Variants in ACLY observed in about 807,000 individuals in gnomAD.
ACLY encodes ATP citrate lyase.
A neutral mutation model predicts 133.0 loss-of-function variants in ACLY; 41 were observed. That is an observed-to-expected ratio of 0.31 (90% confidence interval 0.24 to 0.40). ACLY has a LOEUF of 0.40. Among genes scored for constraint, ACLY ranks in the 10% least tolerant of loss-of-function variants. The probability of loss-of-function intolerance (pLI) is 1.00; values close to 1 mark genes in which losing one functional copy is unlikely to be tolerated. For missense variants in ACLY, 1,046 were observed against 1,453.8 expected, an observed-to-expected ratio of 0.72 and a Z score of 4.56; for synonymous variants, 495 against 549.3, an observed-to-expected ratio of 0.90 and a Z score of 1.38.
At chr17:41,911,902 G>C (rs2049913639) in intron 3 of ACLY, among the ~76,000 whole-genome samples, 1 of 152,144 alleles carries the variant, frequency 6.6e-6, no homozygotes, top group Non-Finnish European at 1.5e-5. Context: ...ATTACCTGAG[G>C]TCAGGAGTTC....
Position 41,867,760 on chromosome 17 carries a change from G to T in ACLY, c.*50C>A. The stretch of plus-strand genomic sequence containing the variant: ...GCCAGCTGTCTGTACACTTTTTCTT[G>T]GGGGAAGAGATCTTGTCTTCAGTTT... On this transcript the variant is annotated 3_prime_UTR_variant, in exon 29 of 29. Coordinates refer to ENST00000352035, the MANE Select transcript of ACLY (RefSeq NM_001096.3). The T allele has an allele frequency of 2.1e-6, 3 of 1,460,414 alleles. No homozygotes were observed. Among genetic ancestry groups the T allele is most frequent in the South Asian group, 2.4e-5 (2 of 82,588 alleles). 90.5% of individuals were successfully genotyped at this position (1,460,414 alleles called of 1,614,324 possible). A position where few individuals can be genotyped will look rare whatever the true frequency, so the allele number is the denominator to read the frequency against.
At chr17:41,881,472 G>A (rs542388155) in intron 20 of ACLY, among the ~76,000 whole-genome samples, 5 of 149,872 alleles carry the variant, frequency 3.3e-5, no homozygotes, top group South Asian at 4.3e-4. Flanking sequence ...TGGAATAAGC[G>A]GACTGACAAG....
In ACLY at chr17:41,887,777, G is replaced by T; in HGVS notation, c.1771-74C>A. The stretch of plus-strand genomic sequence containing the variant: ...GGCAACAAGACAGCACCGTTTAAGG[G>T]CCCACCTCCCATTCCACATGTCCTC... On this transcript the variant is annotated intron_variant, in intron 16 of 28. Transcript: ENST00000352035. 3 of 1,202,042 alleles carry T rather than the reference G, an allele frequency of 2.5e-6. No individual in the cohort carries two copies. In the South Asian group the frequency reaches 3.7e-5, roughly 15 times the overall value. The allele number at this position is 1,202,042 out of a possible 1,614,324, so 74.5% of individuals were successfully genotyped here.
At chr17:41,896,426 C>T (rs1555630378) in intron 14 of ACLY, among the ~76,000 whole-genome samples, 194 bp downstream of exon 14, 1 of 152,074 alleles carries the variant, frequency 6.6e-6, no homozygotes, top group Admixed American at 6.6e-5. Context: ...GAGTGGGGCG[C>T]GTACTGAGCA....
At chr17:41,869,191 T>C (rs1401556286) in intron 26 of ACLY, 66 bp from the exon 27 acceptor site, 40 of 1,403,894 alleles carry the variant, frequency 2.8e-5, no homozygotes, top group Non-Finnish European at 3.8e-5. Context: ...AATTTTCCAC[T>C]GTCACTACTA....
chr17:41,905,389 T>C, intron 9 of ACLY, 133 bp downstream of exon 9: 1 of 1,235,666 alleles, frequency 8.1e-7, no homozygotes, highest in South Asian at 1.4e-5. Context: ...AGAGCCAAAG[T>C]TCAATGATTA....
chr17:41,868,033 A>C, intron 28 of ACLY, 129 bp from the exon 29 acceptor site: 2 of 577,464 alleles, frequency 3.5e-6, no homozygotes, highest in Non-Finnish European at 6.1e-6. Flanking sequence ...TTTAGTCCAA[A>C]TCCACTGTAT....
chr17:41,883,816 C>T lies in ACLY; in HGVS notation c.2154+377G>A, dbSNP rs2048983137. Among the ~76,000 whole-genome samples the T allele has an allele frequency of 3.9e-5, 6 of 151,976 alleles. No individual in the cohort carries two copies. The South Asian group carries it at 8.3e-4, about 21-fold the overall frequency. On this transcript the variant is annotated intron_variant, in intron 19 of 28. Coordinates refer to ENST00000352035, the MANE Select transcript of ACLY (RefSeq NM_001096.3). The stretch of plus-strand genomic sequence containing the variant: ...GCCACGATGGTCTAGAACTCCTGAT[C>T]TCAAGTGACCCAGTTGCCTCAGCCT...
At chr17:41,921,719 G>A (rs782776804), upstream of ACLY, among the ~76,000 whole-genome samples, 2 of 151,162 alleles carry the variant, frequency 1.3e-5, no homozygotes, top group African/African-American at 4.9e-5. Context: ...CCTATAATCC[G>A]AGCACTTTGG....
upstream of ACLY, among the ~76,000 whole-genome samples, chr17:41,921,378 G>A (rs2050179821): frequency 6.6e-6 from 1 of 151,538 alleles, no homozygotes; most frequent in Admixed American, 6.6e-5. Flanking sequence ...CAGCTACTTG[G>A]GAGACCGAGG....
intron 10 of ACLY, 35 bp downstream of exon 10, chr17:41,904,694 T>C: frequency 6.2e-7 from 1 of 1,606,090 alleles, no homozygotes; most frequent in Non-Finnish European, 8.5e-7. Context: ...CCAAACCACT[T>C]TCCCCAGAAA....
chr17:41,887,219 AC>A (rs1278169486), intron 17 of ACLY, among the ~76,000 whole-genome samples: 1 of 150,474 alleles, frequency 6.6e-6, no homozygotes, highest in Non-Finnish European at 1.5e-5. Context: ...TGGGTGGATC[AC>A]CCGATGTCAG....
At position 41,918,935 on chromosome 17, in the gene ACLY, A is replaced by G. The variant is rs531158738; in HGVS notation, c.-79T>C. 421 of 1,288,920 alleles carry G rather than the reference A, an allele frequency of 3.3e-4. No homozygotes were observed. The highest frequency in any genetic ancestry group is 3.7e-4 in the Non-Finnish European group (361 of 988,580). The allele number at this position is 1,288,920 out of a possible 1,614,324, so 79.8% of individuals were successfully genotyped here. A position where few individuals can be genotyped will look rare whatever the true frequency, so the allele number is the denominator to read the frequency against. On this transcript the variant is annotated 5_prime_UTR_variant, in exon 1 of 29. Coordinates refer to ENST00000352035, the MANE Select transcript of ACLY (RefSeq NM_001096.3). ...CCACAGGCCCGACGAACCCCGCAAA[A>G]TCCGGAGCACCCCAGCAGCCGGTAG... is the stretch of plus-strand genomic sequence containing the variant.
intron 21 of ACLY, 101 bp downstream of exon 21, chr17:41,878,696 G>C: frequency 6.9e-7 from 1 of 1,443,362 alleles, no homozygotes; most frequent in Non-Finnish European, 9.5e-7. Context: ...GACACCGAGA[G>C]GGACCAGGAA....
chr17:41,896,702 T>C, intron 13 of ACLY, 53 bp from the exon 14 acceptor site: 1 of 1,507,122 alleles, frequency 6.6e-7, no homozygotes, highest in Non-Finnish European at 8.9e-7. Flanking sequence ...GGCTGGAGGC[T>C]TTGGAGGGAG....
intron 1 of ACLY, among the ~76,000 whole-genome samples, chr17:41,917,398 G>A (rs1332889948): frequency 1.3e-5 from 2 of 152,110 alleles, no homozygotes; most frequent in African/African-American, 2.4e-5. Context: ...TTCTCTAAGG[G>A]AGGGGCCTTA....
At chr17:41,871,515 G>GCC (rs2048597160) in intron 25 of ACLY, among the ~76,000 whole-genome samples, 174 bp downstream of exon 25, 1 of 152,040 alleles carries the variant, frequency 6.6e-6, no homozygotes, top group Non-Finnish European at 1.5e-5. Flanking sequence ...ACCACGCCTG[G>GCC]CTAATTTTTT....
intron 4 of ACLY, 21 bp downstream of exon 4, chr17:41,910,201 C>T: frequency 6.2e-7 from 1 of 1,611,466 alleles, no homozygotes. Flanking sequence ...AAGACCCAGC[C>T]TGGAGCCGCC....
chr17:41,898,569 G>A, intron 12 of ACLY, 62 bp downstream of exon 12: 2 of 1,581,054 alleles, frequency 1.3e-6, no homozygotes, highest in African/African-American at 1.3e-5. Flanking sequence ...GAAGAAGACT[G>A]TATCCTAGTG....
Sources: allele counts gnomAD v4.1 joint callset (sites outside exome capture counted in the v4.1 genomes callset), GRCh38; gene constraint gnomAD v4.1.1; transcripts MANE v1.5; gene names NCBI Gene and HGNC (gene_info 2026-07-23, HGNC 2026-07-21).